Variants in DSC1 observed in about 807,000 individuals in gnomAD.
DSC1 encodes desmocollin 1, also known as desmocollin-1.
DSC1 carries 79 observed loss-of-function variants against 98.8 expected under a neutral mutation model. The observed-to-expected ratio is 0.80, with a 90% confidence interval of 0.67 to 0.96. The LOEUF (loss-of-function observed/expected upper bound fraction) is 0.96. DSC1 is among the 50% of genes least tolerant of loss of function. The pLI is 0.00. For synonymous variants in DSC1, 405 were observed against 372.1 expected, an observed-to-expected ratio of 1.09 and a Z score of -1.02; for missense variants, 1,115 against 1,075.9, an observed-to-expected ratio of 1.04 and a Z score of -0.51.
At chr18:31,146,969 A>C (rs1487654477) in intron 6 of DSC1, among the ~76,000 whole-genome samples, 1 of 152,240 alleles carries the variant, frequency 6.6e-6, no homozygotes, top group African/African-American at 2.4e-5. Context: ...AGTATTAGAC[A>C]CATTGCATTA....
At chr18:31,143,954 G>A (rs1161390264) in intron 7 of DSC1, among the ~76,000 whole-genome samples, 163 bp from the exon 8 acceptor site, 2 of 151,996 alleles carry the variant, frequency 1.3e-5, no homozygotes, top group African/African-American at 4.8e-5. Flanking sequence ...CTGTCACCCA[G>A]GCTGGAGTGC....
At chr18:31,139,711 A>C in intron 11 of DSC1, 37 bp downstream of exon 11, 1 of 1,517,564 alleles carries the variant, frequency 6.6e-7, no homozygotes, top group Middle Eastern at 1.8e-4. Context: ...AAAACATGTC[A>C]TATATTTATA....
chr18:31,135,876 A>G (rs1431914530), intron 11 of DSC1, among the ~76,000 whole-genome samples: 2 of 152,166 alleles, frequency 1.3e-5, no homozygotes, highest in Admixed American at 6.5e-5. Flanking sequence ...ATTTTGAAAC[A>G]TGTATGTTGA....
intron 2 of DSC1, among the ~76,000 whole-genome samples, chr18:31,158,670 T>C (rs576792235): frequency 6.6e-6 from 1 of 152,316 alleles, no homozygotes; most frequent in Non-Finnish European, 1.5e-5. Context: ...TATTTGATTT[T>C]CACAAGCTGT....
chr18:31,161,604 C>G (rs932677070), intron 1 of DSC1, among the ~76,000 whole-genome samples: 1 of 152,036 alleles, frequency 6.6e-6, no homozygotes, highest in Admixed American at 6.6e-5. Context: ...AATAAATAAA[C>G]AGGAGATGAA....
At chr18:31,158,037 G>T (rs1006897460) in intron 2 of DSC1, among the ~76,000 whole-genome samples, 1 of 152,148 alleles carries the variant, frequency 6.6e-6, no homozygotes, top group African/African-American at 2.4e-5. Flanking sequence ...GGGAGGCCGA[G>T]GTGGGAGGAT....
In DSC1 at chr18:31,131,614, T is replaced by C. The variant is rs760727264; in HGVS notation, c.2467A>G (p.Thr823Ala). ...CTTACTTCGCCAAGCCGAGGTTGGG[T>C]GAAACTCTGCCAGTCCGTGTACGCA... ...RYAYTDWQSF[T>A]QPRLGEKVYL... The change falls in exon 15 of 16, where the codon ACC becomes GCC. Residue 823 changes from threonine (T) to alanine (A), a missense_variant. Transcript: ENST00000257198. The C allele has an allele frequency of 6.2e-7, 1 of 1,613,914 alleles. No individual in the cohort carries two copies. The highest frequency in any genetic ancestry group is 1.3e-5 in the African/African-American group (1 of 74,908).
chr18:31,150,295 TAC>T (rs1988952853), intron 5 of DSC1, among the ~76,000 whole-genome samples: 6 of 33,606 alleles, frequency 1.8e-4, no homozygotes, highest in East Asian at 1.3e-3. Context: ...CCACCACCAC[TAC>T]CATCATCACC....
chr18:31,133,995 G>C lies in DSC1; in HGVS notation c.2012C>G (p.Ser671Cys), dbSNP rs1238753404. ...TVRVCDCSTPSECRMKDKSTR... is the reference protein window; with the variant it reads ...TVRVCDCSTPCECRMKDKSTR... ...ACTTTTATCCTTCATTCTACACTCA[G>C]ATGGAGTTGAACAGTCACATACTCT... is the stretch of plus-strand genomic sequence containing the variant. The change falls in exon 13 of 16, where the codon TCT becomes TGT. Residue 671 changes from serine to cysteine, a missense_variant. By Grantham distance (112) the Ser-to-Cys change is moderately radical. Coordinates refer to ENST00000257198, the MANE Select transcript of DSC1 (RefSeq NM_024421.2). 2.5e-6 allele frequency: 4 copies of C among 1,613,348 alleles called. No individual in the cohort carries two copies. The South Asian group carries it at 3.3e-5, about 13-fold the overall frequency.
rs373128840 is a variant in DSC1, at chr18:31,134,571, C to A, written c.1876+1G>T. 28 of 1,604,194 alleles carry A rather than the reference C, an allele frequency of 1.7e-5. No individual in the cohort carries two copies. The highest frequency in any genetic ancestry group is 2.0e-5 in the Non-Finnish European group (24 of 1,173,728). On this transcript the variant is annotated splice_donor_variant, in intron 12 of 15. Coordinates refer to ENST00000257198, the MANE Select transcript of DSC1 (RefSeq NM_024421.2). LOFTEE classifies it high-confidence loss of function. ...CTATAAAATTTAGCATGATTACATA[C>A]CATCCTTTTCTTCTATGTTCCAGTT...
Position 31,143,785 on chromosome 18 carries a change from C to G in DSC1, c.946G>C (p.Asp316His). ...TTPFLDREKCDTYQLIMEVRD... is the reference protein window; with the variant it reads ...TTPFLDREKCHTYQLIMEVRD... ...ACTTCCATTATTAACTGGTAAGTATCACATTTCTGAAAAAAAGGAAAAAAC... is the reference window on the plus strand; with the variant it reads ...ACTTCCATTATTAACTGGTAAGTATGACATTTCTGAAAAAAAGGAAAAAAC... Residue 316 changes from aspartate (D) to histidine (H), a missense_variant, in exon 8 of 16, where the codon GAT becomes CAT. By Grantham distance (81) the Asp-to-His change is moderately conservative (BLOSUM62 -1). Coordinates refer to ENST00000257198, the MANE Select transcript of DSC1 (RefSeq NM_024421.2). 1 of 1,565,064 alleles carries G rather than the reference C, an allele frequency of 6.4e-7. No individual in the cohort carries two copies. The highest frequency in any genetic ancestry group is 1.2e-5 in the South Asian group (1 of 81,716).
chr18:31,142,903 C>T lies in DSC1; in HGVS notation c.1075-719G>A, dbSNP rs1434358894. 2.6e-5 allele frequency among the ~76,000 whole-genome samples: 4 copies of T among 151,820 alleles called. No homozygotes were observed. The East Asian group carries it at 7.7e-4, about 29-fold the overall frequency. On this transcript the variant is annotated intron_variant, in intron 8 of 15. Transcript: ENST00000257198. ...TGACTTAACAGACTTTCTATTTCCTCATATGAAATATGAGGTAAAATATAT... is the reference window on the plus strand; with the variant it reads ...TGACTTAACAGACTTTCTATTTCCTTATATGAAATATGAGGTAAAATATAT...
intron 6 of DSC1, 148 bp downstream of exon 6, chr18:31,148,350 T>C (rs1988890197): frequency 1.0e-6 from 1 of 993,528 alleles, no homozygotes; most frequent in Admixed American, 3.1e-5. Flanking sequence ...TCATATAACA[T>C]CAATTCCTAA....
In DSC1 at chr18:31,152,169, C is replaced by CAA. The variant is rs147500839; in HGVS notation, c.627+2603_627+2604dup. ...AGAGTGACACCCTATATCAAAAAAACAACAAAAAAAAACAAGATAATAAAA... is the reference window on the plus strand; with the variant it reads ...AGAGTGACACCCTATATCAAAAAAACAAAACAAAAAAAAACAAGATAATAAAA... On this transcript the variant is annotated intron_variant, in intron 5 of 15. Transcript: ENST00000257198. Among the ~76,000 whole-genome samples the CAA allele has an allele frequency of 2.4e-3, 360 of 150,292 alleles. 2 individuals are homozygous for CAA. The highest frequency in any genetic ancestry group is 3.3e-3 in the Non-Finnish European group (224 of 67,652).
At chr18:31,161,066 G>A (rs939306386) in intron 1 of DSC1, among the ~76,000 whole-genome samples, 3 of 151,940 alleles carry the variant, frequency 2.0e-5, no homozygotes, top group African/African-American at 7.3e-5. Context: ...ATGCCCCATG[G>A]TATGCACCAT....
At chr18:31,132,833 T>G (rs1448911786) in intron 13 of DSC1, 144 bp from the exon 14 acceptor site, 1 of 714,122 alleles carries the variant, frequency 1.4e-6, no homozygotes, top group Non-Finnish European at 2.2e-6. Flanking sequence ...ACAGAATATT[T>G]TAAAAATGTA....
chr18:31,140,176 A>C lies in DSC1; in HGVS notation c.1386T>G (p.Ile462Met). ...ATTCAGGGCCCTCATCACTGTCTAT[A>C]ATTTTAACGGTGACAGTTGTAGTGC... is the stretch of plus-strand genomic sequence containing the variant. The part of the protein sequence containing the change: ...TMCTTTVTVK[I>M]IDSDEGPECH... The change falls in exon 10 of 16, where the codon ATT becomes ATG. Residue 462 changes from isoleucine (I) to methionine (M), a missense_variant. Physicochemically the swap from Ile to Met is conservative, Grantham distance 10. Coordinates refer to ENST00000257198, the MANE Select transcript of DSC1 (RefSeq NM_024421.2). 6.2e-7 allele frequency: 1 copy of C among 1,613,948 alleles called. No homozygotes were observed.
intron 14 of DSC1, 59 bp downstream of exon 14, chr18:31,132,508 GT>G: frequency 6.3e-7 from 1 of 1,591,120 alleles, no homozygotes; most frequent in East Asian, 2.3e-5. Context: ...ACATTGTTGA[GT>G]AATAATCTGT....
chr18:31,131,789 C>T lies in DSC1; in HGVS notation c.2292G>A (p.Met764Ile), dbSNP rs148875640. Residue 764 changes from methionine to isoleucine, a missense_variant, in exon 15 of 16, where the codon ATG becomes ATA. Physicochemically the swap from Met to Ile is conservative, Grantham distance 10. Coordinates refer to ENST00000257198, the MANE Select transcript of DSC1 (RefSeq NM_024421.2). ...MQTSNICDTS[M>I]SVGTVGGQGI... ...CCTGGCCACCAACAGTACCAACAGACATGCTTGTGTCACAAATGTTGGATG... is the reference window on the plus strand; with the variant it reads ...CCTGGCCACCAACAGTACCAACAGATATGCTTGTGTCACAAATGTTGGATG... 91 of 1,614,008 alleles carry T rather than the reference C, an allele frequency of 5.6e-5. No homozygotes were observed. In the African/African-American group the frequency reaches 1.1e-3, roughly 19 times the overall value.
Sources: allele counts gnomAD v4.1 joint callset (sites outside exome capture counted in the v4.1 genomes callset), GRCh38; gene constraint gnomAD v4.1.1; transcripts MANE v1.5; gene names NCBI Gene and HGNC (gene_info 2026-07-23, HGNC 2026-07-21).